LACTB2: variants seen among roughly 807,000 people sequenced by gnomAD.
LACTB2 encodes lactamase beta 2.
A neutral mutation model predicts 34.8 loss-of-function variants in LACTB2; 32 were observed. That is an observed-to-expected ratio of 0.92 (90% CI 0.69 to 1.24). The LOEUF is 1.24. LACTB2 is among the 50% of genes most tolerant of loss of function. The pLI is 0.00. For synonymous variants in LACTB2, 120 were observed against 117.5 expected, an observed-to-expected ratio of 1.02 and a Z score of -0.14; for missense variants, 320 against 345.0, an observed-to-expected ratio of 0.93 and a Z score of 0.57.
Position 70,638,548 on chromosome 8 carries a change from A to G in LACTB2, c.823T>C (p.Phe275Leu), listed in dbSNP as rs775615292. The G allele has an allele frequency of 8.5e-6, 13 of 1,526,042 alleles. No individual in the cohort carries two copies. The highest frequency in any genetic ancestry group is 1.1e-5 in the Non-Finnish European group (12 of 1,139,070). 94.5% of individuals were successfully genotyped at this position (1,526,042 alleles called of 1,614,324 possible). The change falls in exon 6 of 7, where the codon TTT becomes CTT. Residue 275 changes from phenylalanine (F) to leucine (L), a missense_variant and splice_region_variant. Phe to Leu is a conservative substitution (Grantham distance 22). Coordinates refer to ENST00000276590, the MANE Select transcript of LACTB2 (RefSeq NM_016027.3). ...LKKLEKEGKI[F>L]SNTDPDKKWK... ...GAAGAAAATTTGGAAGCATACTCACATATTTTTCCTTCTTTTTCTAGTTTT... is the reference window on the plus strand; with the variant it reads ...GAAGAAAATTTGGAAGCATACTCACGTATTTTTCCTTCTTTTTCTAGTTTT...
rs745843211 is a variant in LACTB2, at chr8:70,661,048, G to A, written c.286+686C>T. 5.1e-5 allele frequency: 23 copies of A among 453,502 alleles called. 1 individual carries two copies. The highest frequency in any genetic ancestry group is 3.6e-4 in the South Asian group (23 of 63,880). 28.1% of individuals were successfully genotyped at this position (453,502 alleles called of 1,614,324 possible). A position where few individuals can be genotyped will look rare whatever the true frequency, so the allele number is the denominator to read the frequency against. ...ACACACCTTGACCTCCCAAAGTGCT[G>A]GGATTACAGGCATGAGCCACTGCAC... On this transcript the variant is annotated intron_variant, in intron 2 of 6. Coordinates refer to ENST00000276590, the MANE Select transcript of LACTB2 (RefSeq NM_016027.3).
chr8:70,638,755 T>TGAAAG, intron 5 of LACTB2, 126 bp from the exon 6 acceptor site: 1 of 847,636 alleles, frequency 1.2e-6, no homozygotes, highest in Non-Finnish European at 1.6e-6. Context: ...TTTTTTTTTT[T>TGAAAG]TTTTGAGACA....
At chr8:70,667,974 T>G (rs1818556877) in intron 1 of LACTB2, among the ~76,000 whole-genome samples, 1 of 152,224 alleles carries the variant, frequency 6.6e-6, no homozygotes, top group East Asian at 1.9e-4. Context: ...GCATTTTTCC[T>G]GCTTAATTCT....
intron 5 of LACTB2, 121 bp downstream of exon 5, chr8:70,640,781 C>A: frequency 8.5e-7 from 1 of 1,182,662 alleles, no homozygotes; most frequent in Non-Finnish European, 1.1e-6. Context: ...CTGCTGGTCT[C>A]AAATCTAGAA....
At position 70,657,745 on chromosome 8, in the gene LACTB2, C is replaced by CA; in HGVS notation, c.413+10dup. ...CTCTTCACCTTCCCTGGCTAAGGGACATTTACTTACCTTAGAGTGGCTCCC... is the reference window on the plus strand; with the variant it reads ...CTCTTCACCTTCCCTGGCTAAGGGACAATTTACTTACCTTAGAGTGGCTCCC... On this transcript the variant is annotated intron_variant, in intron 3 of 6. Transcript: ENST00000276590. 1 of 1,606,092 alleles carries CA rather than the reference C, an allele frequency of 6.2e-7. No homozygotes were observed. Among genetic ancestry groups the CA allele is most frequent in the Non-Finnish European group, 8.5e-7 (1 of 1,176,330 alleles).
intron 3 of LACTB2, chr8:70,646,335 A>T (rs1448743483): frequency 6.6e-6 from 1 of 152,176 alleles, no homozygotes; most frequent in Non-Finnish European, 1.5e-5. Context: ...AGAATCTACA[A>T]TGAACTCCAA....
chr8:70,668,748 GTTTTTT>G (rs990900411), intron 1 of LACTB2, among the ~76,000 whole-genome samples: 20 of 103,732 alleles, frequency 1.9e-4, no homozygotes, highest in African/African-American at 2.9e-4. Context: ...CAAAACAGAA[GTTTTTT>G]TTTTTTTTTT....
chr8:70,651,239 T>C (rs571808136), intron 3 of LACTB2, among the ~76,000 whole-genome samples: 5 of 152,214 alleles, frequency 3.3e-5, no homozygotes, highest in Non-Finnish European at 7.3e-5. Context: ...TTAAGAACTA[T>C]TATGCTTTTA....
chr8:70,648,756 A>G (rs1429374123), intron 3 of LACTB2, among the ~76,000 whole-genome samples: 1 of 152,162 alleles, frequency 6.6e-6, no homozygotes. Flanking sequence ...GCTTTGACTA[A>G]AACTATAGTC....
chr8:70,638,029 G>T, intron 6 of LACTB2, 126 bp from the exon 7 acceptor site: 5 of 487,880 alleles, frequency 1.0e-5, no homozygotes, highest in East Asian at 3.4e-5. Context: ...ATATAAAGTT[G>T]GGTATTTTTG....
chr8:70,663,263 A>G (rs1373190785), intron 1 of LACTB2: 2 of 152,266 alleles, frequency 1.3e-5, no homozygotes. Flanking sequence ...AGCATTTTGC[A>G]AAGCATTAAA....
At chr8:70,638,351 T>C (rs1238603387) in intron 6 of LACTB2, among the ~76,000 whole-genome samples, 197 bp downstream of exon 6, 1 of 152,186 alleles carries the variant, frequency 6.6e-6, no homozygotes, top group Non-Finnish European at 1.5e-5. Context: ...GAGATTCTAA[T>C]TCCCCTGGGA....
Position 70,663,795 on chromosome 8 carries a change from T to G in LACTB2, c.123-1898A>C, listed in dbSNP as rs547718378. 2.0e-5 allele frequency among the ~76,000 whole-genome samples: 3 copies of G among 152,320 alleles called. No individual in the cohort carries two copies. In the South Asian group the frequency reaches 6.2e-4, roughly 32 times the overall value. On this transcript the variant is annotated intron_variant, in intron 1 of 6. Coordinates refer to ENST00000276590, the MANE Select transcript of LACTB2 (RefSeq NM_016027.3). ...GCCATCTTATCTTGCTTTTTTTCCA[T>G]AGCAATTATTACCATGTAATATATT...
chr8:70,667,802 A>T (rs1046988035), intron 1 of LACTB2, among the ~76,000 whole-genome samples: 4 of 152,232 alleles, frequency 2.6e-5, no homozygotes, highest in African/African-American at 9.6e-5. Flanking sequence ...ACTGATCTCC[A>T]ACATGGTGTT....
intron 3 of LACTB2, among the ~76,000 whole-genome samples, chr8:70,647,807 T>C (rs1339039185): frequency 1.3e-5 from 2 of 152,166 alleles, no homozygotes; most frequent in Admixed American, 6.5e-5. Flanking sequence ...CTGTTGAAAG[T>C]CTTTTTAGCA....
chr8:70,646,185 T>C (rs1818261867), intron 3 of LACTB2: 1 of 152,196 alleles, frequency 6.6e-6, no homozygotes, highest in Non-Finnish European at 1.5e-5. Flanking sequence ...ATGATCGCCA[T>C]TCTAACTGGT....
chr8:70,660,613 C>A (rs1818469514), intron 2 of LACTB2: 2 of 456,220 alleles, frequency 4.4e-6, no homozygotes, highest in Non-Finnish European at 4.4e-6. Flanking sequence ...CACTCTCATT[C>A]CACCATCTTT....
At chr8:70,665,512 GTTAT>G (rs944945638) in intron 1 of LACTB2, among the ~76,000 whole-genome samples, 2 of 152,194 alleles carry the variant, frequency 1.3e-5, no homozygotes, top group African/African-American at 4.8e-5. Flanking sequence ...TGAGCACAGT[GTTAT>G]CTAGATGTTA....
Position 70,657,894 on chromosome 8 carries a change from A to C in LACTB2, c.287-12T>G, listed in dbSNP as rs763387760. The C allele has an allele frequency of 1.3e-6, 2 of 1,556,680 alleles. No homozygotes were observed. The highest frequency in any genetic ancestry group is 1.7e-4 in the Middle Eastern group (1 of 5,788). On this transcript the variant is annotated splice_polypyrimidine_tract_variant and intron_variant, in intron 2 of 6. Transcript: ENST00000276590. Reference sequence around the variant, plus strand: ...GCAATAGGTAGTGTCTAGTCATAAAACATATAAAATATATTAATTCACACT... The same window carrying C: ...GCAATAGGTAGTGTCTAGTCATAAACCATATAAAATATATTAATTCACACT...
Sources: allele counts gnomAD v4.1 joint callset (sites outside exome capture counted in the v4.1 genomes callset), GRCh38; gene constraint gnomAD v4.1.1; transcripts MANE v1.5; gene names NCBI Gene and HGNC (gene_info 2026-07-23, HGNC 2026-07-21).